The following ADGRD1 variants were observed in gnomAD, a reference collection of about 807,000 sequenced individuals.
ADGRD1 encodes the protein G-protein coupled receptor 133.
In ADGRD1, 77 loss-of-function variants were observed where a neutral mutation model predicts 113.4. The observed-to-expected ratio is 0.68, with a 90% CI of 0.57 to 0.82. ADGRD1 has a LOEUF of 0.82. Among genes scored for constraint, ADGRD1 ranks in the 40% least tolerant of loss-of-function variants. The pLI is 0.00. For synonymous variants in ADGRD1, 474 were observed against 475.0 expected, an observed-to-expected ratio of 1.00 and a Z score of 0.03; for missense variants, 1,036 against 1,139.1, an observed-to-expected ratio of 0.91 and a Z score of 1.30.
At chr12:131,121,651 A>T (rs763254846) in intron 20 of ADGRD1, among the ~76,000 whole-genome samples, 13 of 152,142 alleles carry the variant, frequency 8.5e-5, no homozygotes, top group Non-Finnish European at 1.5e-4. Flanking sequence ...AAGTGCTGGG[A>T]TTACAGGCGT....
chr12:130,998,829 T>C (rs1875954556), intron 8 of ADGRD1, among the ~76,000 whole-genome samples: 1 of 152,114 alleles, frequency 6.6e-6, no homozygotes. Context: ...GACGGGAAAA[T>C]GGCAAGGGGT....
intron 3 of ADGRD1, chr12:130,970,142 A>G (rs1424595112): frequency 1.3e-5 from 2 of 152,232 alleles, no homozygotes; most frequent in Admixed American, 6.5e-5. Context: ...TCCAGAGCCT[A>G]CATGGCTCAA....
intron 15 of ADGRD1, among the ~76,000 whole-genome samples, chr12:131,086,737 G>A (rs774898556): frequency 4.6e-5 from 7 of 152,226 alleles, no homozygotes; most frequent in Non-Finnish European, 5.9e-5. Context: ...AGCTGCTCAC[G>A]TGAGCGCGTA....
intron 2 of ADGRD1, chr12:130,956,733 G>A (rs892802164): frequency 9.9e-5 from 15 of 152,222 alleles, no homozygotes; most frequent in African/African-American, 3.6e-4. Context: ...GGTTCTCCCC[G>A]GACTTCTGCT....
At chr12:131,138,335 C>T in intron 24 of ADGRD1, 106 bp downstream of exon 24, 2 of 887,068 alleles carry the variant, frequency 2.3e-6, no homozygotes, top group Admixed American at 2.0e-5. Context: ...TTCGGGTGCC[C>T]AGCAGTCTTT....
chr12:131,082,588 C>G (rs868322555), intron 14 of ADGRD1, among the ~76,000 whole-genome samples: 22 of 152,254 alleles, frequency 1.4e-4, no homozygotes, highest in African/African-American at 4.3e-4. Flanking sequence ...CAGGCCCCCC[C>G]CTCAAATTGA....
Position 131,131,723 on chromosome 12 carries a change from A to T in ADGRD1, c.2176-2A>T. 1 of 1,603,600 alleles carries T rather than the reference A, an allele frequency of 6.2e-7. No homozygotes were observed. The highest frequency in any genetic ancestry group is 2.3e-5 in the East Asian group (1 of 44,152). On this transcript the variant is annotated splice_acceptor_variant, in intron 20 of 24. Coordinates refer to ENST00000261654, the MANE Select transcript of ADGRD1 (RefSeq NM_198827.5). LOFTEE classifies it high-confidence loss of function. ...CACCTTCCTCCATGGTTTCTTGTGCAGGTCAACATTGGCATCCTCATCGCT... is the reference window on the plus strand; with the variant it reads ...CACCTTCCTCCATGGTTTCTTGTGCTGGTCAACATTGGCATCCTCATCGCT...
At chr12:131,095,007 C>T (rs1302283980) in intron 15 of ADGRD1, among the ~76,000 whole-genome samples, 1 of 152,068 alleles carries the variant, frequency 6.6e-6, no homozygotes, top group Non-Finnish European at 1.5e-5. Context: ...GACGCCCCCT[C>T]TCAGCCCCCA....
intron 23 of ADGRD1, among the ~76,000 whole-genome samples, chr12:131,137,472 G>A (rs1431168063): frequency 6.6e-6 from 1 of 152,240 alleles, no homozygotes; most frequent in African/African-American, 2.4e-5. Flanking sequence ...CTGGGGGGAG[G>A]TAGGGGCTGC....
At chr12:131,123,909 C>A (rs575059418) in intron 20 of ADGRD1, among the ~76,000 whole-genome samples, 2 of 152,066 alleles carry the variant, frequency 1.3e-5, no homozygotes, top group African/African-American at 2.4e-5. Context: ...TTTTGTAGAT[C>A]GAGTTTTCTT....
chr12:131,055,509 T>C (rs375839694), intron 13 of ADGRD1, among the ~76,000 whole-genome samples: 2 of 152,234 alleles, frequency 1.3e-5, no homozygotes, highest in East Asian at 3.8e-4. Context: ...TTGATGTGTG[T>C]TCATTTTATC....
intron 20 of ADGRD1, among the ~76,000 whole-genome samples, chr12:131,128,126 TTGAC>T (rs1277699886): frequency 3.4e-5 from 5 of 145,642 alleles, no homozygotes; most frequent in Admixed American, 1.4e-4. Context: ...GGTGGGGTGT[TTGAC>T]TGTGTTGGTT....
At position 130,971,707 on chromosome 12, in the gene ADGRD1, G is replaced by A. The variant is rs4759533; in HGVS notation, c.310+127G>A. 893,722 of 989,932 alleles carry A rather than the reference G, an allele frequency of 0.9. 412,499 individuals carry two copies. The highest frequency in any genetic ancestry group is 0.95 in the East Asian group (33,920 of 35,814). 61.3% of individuals were successfully genotyped at this position (989,932 alleles called of 1,614,324 possible). A position where few individuals can be genotyped will look rare whatever the true frequency, so the allele number is the denominator to read the frequency against. ...TTGCAGAATGCGTGAGAATGTCAACGATGGATCGGAGGGCAGGGGAGGGAG... is the reference window on the plus strand; with the variant it reads ...TTGCAGAATGCGTGAGAATGTCAACAATGGATCGGAGGGCAGGGGAGGGAG... On this transcript the variant is annotated intron_variant, in intron 4 of 24. Coordinates refer to ENST00000261654, the MANE Select transcript of ADGRD1 (RefSeq NM_198827.5). This position sits in a 1 kb window ranked among gnomAD's most constrained non-coding sequence, Gnocchi z 4.2.
At chr12:131,136,822 G>A (rs1323313385) in intron 22 of ADGRD1, 151 bp from the exon 23 acceptor site, 5 of 705,530 alleles carry the variant, frequency 7.1e-6, no homozygotes, top group South Asian at 1.6e-5. Context: ...GACCCAGGAC[G>A]CCTCTCCGTC....
chr12:131,020,773 C>T (rs1392875460), intron 13 of ADGRD1, among the ~76,000 whole-genome samples: 1 of 152,204 alleles, frequency 6.6e-6, no homozygotes, highest in Non-Finnish European at 1.5e-5. Flanking sequence ...CAAACTAGGC[C>T]CTCCTCTAGG....
intron 4 of ADGRD1, among the ~76,000 whole-genome samples, chr12:130,979,480 G>T (rs1052668468): frequency 1.3e-5 from 2 of 152,136 alleles, no homozygotes; most frequent in Non-Finnish European, 2.9e-5. Flanking sequence ...CAGAAAGCAT[G>T]GTGGGCAATG....
intron 15 of ADGRD1, among the ~76,000 whole-genome samples, chr12:131,094,442 T>TG (rs200890278): frequency 0.024 from 3,705 of 152,130 alleles, 165 homozygotes; most frequent in Admixed American, 0.12. Flanking sequence ...GCCCTGTTGA[T>TG]GGGGGTGGGG....
At chr12:131,093,910 A>G (rs1306365574) in intron 15 of ADGRD1, among the ~76,000 whole-genome samples, 4 of 151,034 alleles carry the variant, frequency 2.6e-5, no homozygotes, top group African/African-American at 9.8e-5. Context: ...GAGGAGGCAG[A>G]AGTAAGCACA....
intron 3 of ADGRD1, chr12:130,967,116 C>T (rs1871091625): frequency 8.8e-5 from 38 of 430,678 alleles, no homozygotes; most frequent in South Asian, 5.8e-4. Context: ...ACACTGACCA[C>T]AGCAGGGGCC....
Sources: allele counts gnomAD v4.1 joint callset (sites outside exome capture counted in the v4.1 genomes callset), GRCh38; gene constraint gnomAD v4.1.1; non-coding constraint Gnocchi (gnomAD v3.1); transcripts MANE v1.5; gene names NCBI Gene and HGNC (gene_info 2026-07-23, HGNC 2026-07-21).